HSD17B3: variants seen among roughly 807,000 people sequenced by gnomAD.
HSD17B3 encodes the protein hydroxysteroid 17-beta dehydrogenase 3, also known as 17-beta-hydroxysteroid dehydrogenase type 3.
HSD17B3 carries 29 observed loss-of-function variants against 41.1 expected under a neutral mutation model. The observed-to-expected ratio is 0.71, with a 90% CI of 0.53 to 0.96. HSD17B3 has a LOEUF of 0.96. HSD17B3 is among the 40% of genes least tolerant of loss of function. HSD17B3 has a pLI of 0.00. For missense variants in HSD17B3, 323 were observed against 374.6 expected (o/e 0.86, Z 1.14); for synonymous variants, 126 against 145.6 (o/e 0.87, Z 0.97).
intron 2 of HSD17B3, among the ~76,000 whole-genome samples, chr9:96,285,525 C>A (rs1256536858): frequency 1.3e-5 from 2 of 152,202 alleles, no homozygotes; most frequent in African/African-American, 4.8e-5. Context: ...TTTCTCACTT[C>A]ATGGAAAGCC....
intron 1 of HSD17B3, 40 bp downstream of exon 1, chr9:96,301,911 C>A (rs747202367): frequency 1.3e-6 from 2 of 1,585,520 alleles, no homozygotes; most frequent in Non-Finnish European, 1.7e-6. Context: ...CAAGCAGGAA[C>A]AACAGCAGCA....
At chr9:96,236,833 A>G (rs1473105930) in intron 10 of HSD17B3, among the ~76,000 whole-genome samples, 4 of 152,106 alleles carry the variant, frequency 2.6e-5, no homozygotes, top group South Asian at 2.1e-4. Flanking sequence ...CAATCATTTC[A>G]TAATGATTCA....
chr9:96,248,336 C>A (rs985131058), intron 6 of HSD17B3, among the ~76,000 whole-genome samples: 6 of 152,234 alleles, frequency 3.9e-5, no homozygotes, highest in Non-Finnish European at 7.3e-5. Context: ...GTCCGCCCAA[C>A]TTATTCACCT....
At position 96,235,321 on chromosome 9, in the gene HSD17B3, T is replaced by G. The variant is rs1160296982; in HGVS notation, c.*139A>C. 4.4e-5 allele frequency: 31 copies of G among 705,746 alleles called. No homozygotes were observed. Among genetic ancestry groups the G allele is most frequent in the Non-Finnish European group, 1.8e-5 (7 of 386,388 alleles). 43.7% of individuals were successfully genotyped at this position (705,746 alleles called of 1,614,324 possible). ...CAGACTCAAGTAAAGTGGCAAAAAA[T>G]GTGTATTCTATGCCTCTGTGACCCC... On this transcript the variant is annotated 3_prime_UTR_variant, in exon 11 of 11. Transcript: ENST00000375263.
chr9:96,271,369 T>C (rs1450980567), intron 2 of HSD17B3, among the ~76,000 whole-genome samples: 2 of 152,216 alleles, frequency 1.3e-5, no homozygotes, highest in Non-Finnish European at 2.9e-5. Context: ...TTTTTAATTC[T>C]GATAATTTAA....
chr9:96,270,642 G>T (rs9299363), intron 2 of HSD17B3, among the ~76,000 whole-genome samples: 7 of 152,122 alleles, frequency 4.6e-5, no homozygotes, highest in Non-Finnish European at 8.8e-5. Context: ...TTTAATCCAA[G>T]GGCCAACTGT....
chr9:96,245,321 C>T (rs1304138914), intron 8 of HSD17B3, 24 bp downstream of exon 8: 1 of 1,565,416 alleles, frequency 6.4e-7, no homozygotes, highest in Non-Finnish European at 8.8e-7. Flanking sequence ...AAGGAAGAGA[C>T]TTGGAAGTCA....
rs869145717 is a variant in HSD17B3 at position 96,255,367 on chromosome 9, C to CTTTTTTTTTTTTTTTTTTT, written c.202-443_202-425dup. Reference sequence around the variant, plus strand: ...AAGCAGTGTTTCTGCCCCAACATTTCTTTTTTTTTTTTTTTTTTTTTTTTT... The same window carrying CTTTTTTTTTTTTTTTTTTT: ...AAGCAGTGTTTCTGCCCCAACATTTCTTTTTTTTTTTTTTTTTTTTTTTTTTTTTTTTTTTTTTTTTTTT... On this transcript the variant is annotated intron_variant, in intron 2 of 10. Transcript: ENST00000375263. 7.1e-4 allele frequency among the ~76,000 whole-genome samples: 39 copies of CTTTTTTTTTTTTTTTTTTT among 54,566 alleles called. 10 individuals carry two copies. The highest frequency in any genetic ancestry group is 1.9e-3 in the South Asian group (2 of 1,070). The allele number at this position is 54,566 out of a possible 152,430, so 35.8% of individuals were successfully genotyped here.
intron 2 of HSD17B3, among the ~76,000 whole-genome samples, chr9:96,284,764 T>C (rs1826842420): frequency 6.6e-6 from 1 of 151,984 alleles, no homozygotes; most frequent in Non-Finnish European, 1.5e-5. Flanking sequence ...TATTTGAGGG[T>C]ACAAACCCAT....
intron 3 of HSD17B3, among the ~76,000 whole-genome samples, chr9:96,253,578 T>A (rs1280988601): frequency 6.6e-6 from 1 of 152,182 alleles, no homozygotes; most frequent in Admixed American, 6.5e-5. Context: ...GCCAAGACCA[T>A]CCACTCTCTG....
chr9:96,251,817 GAA>G (rs1825424769), intron 4 of HSD17B3, among the ~76,000 whole-genome samples: 1 of 152,180 alleles, frequency 6.6e-6, no homozygotes, highest in Non-Finnish European at 1.5e-5. Context: ...TTTAGGATTA[GAA>G]AAATGTGCAC....
intron 2 of HSD17B3, among the ~76,000 whole-genome samples, chr9:96,276,694 GA>G (rs1413831290): frequency 6.6e-6 from 1 of 152,108 alleles, no homozygotes; most frequent in Non-Finnish European, 1.5e-5. Flanking sequence ...GGGAAAACTA[GA>G]TATCCGCATG....
chr9:96,258,198 G>T (rs1825739554), intron 2 of HSD17B3, among the ~76,000 whole-genome samples: 1 of 152,154 alleles, frequency 6.6e-6, no homozygotes, highest in African/African-American at 2.4e-5. Flanking sequence ...TATACTACTT[G>T]TAATATTATC....
At chr9:96,294,355 G>C (rs1205921765) in intron 2 of HSD17B3, among the ~76,000 whole-genome samples, 1 of 152,224 alleles carries the variant, frequency 6.6e-6, no homozygotes, top group Middle Eastern at 3.2e-3. Flanking sequence ...CAAAGACCCA[G>C]AAGCGCAGAA....
chr9:96,235,627 C>A, intron 10 of HSD17B3, 57 bp from the exon 11 acceptor site: 1 of 1,313,308 alleles, frequency 7.6e-7, no homozygotes, highest in Non-Finnish European at 1.1e-6. Flanking sequence ...TACCTCAGTT[C>A]ATCTTTGTGG....
intron 2 of HSD17B3, among the ~76,000 whole-genome samples, chr9:96,281,483 G>A (rs1826689192): frequency 6.6e-6 from 1 of 152,068 alleles, no homozygotes; most frequent in South Asian, 2.1e-4. Flanking sequence ...ACTAGCCTTG[G>A]GTTAGAGTCC....
intron 2 of HSD17B3, among the ~76,000 whole-genome samples, chr9:96,272,427 AT>A (rs1564048454): frequency 6.9e-5 from 4 of 58,010 alleles, no homozygotes; most frequent in South Asian, 5.0e-4. Context: ...ATATATATAT[AT>A]ATATATATAT....
At chr9:96,301,382 G>C (rs8190491) in intron 1 of HSD17B3, among the ~76,000 whole-genome samples, 1 of 136,936 alleles carries the variant, frequency 7.3e-6, no homozygotes, top group African/African-American at 2.7e-5. Context: ...TTTGAGACCA[G>C]CCTAGCCAAC....
At chr9:96,257,471 T>C (rs554260706) in intron 2 of HSD17B3, among the ~76,000 whole-genome samples, 34 of 151,980 alleles carry the variant, frequency 2.2e-4, no homozygotes, top group Admixed American at 7.9e-4. Context: ...CGGGCATATA[T>C]AGGCACATAT....
Sources: allele counts gnomAD v4.1 joint callset (sites outside exome capture counted in the v4.1 genomes callset), GRCh38; gene constraint gnomAD v4.1.1; transcripts MANE v1.5; gene names NCBI Gene and HGNC (gene_info 2026-07-23, HGNC 2026-07-21).